RNF130: variants seen among roughly 807,000 people sequenced by gnomAD.
The protein encoded by RNF130 is ring finger protein 130, also known as E3 ubiquitin-protein ligase RNF130.
In RNF130, 21 loss-of-function variants were observed where a neutral mutation model predicts 44.6. The observed-to-expected ratio is 0.47, with a 90% CI of 0.33 to 0.68. The LOEUF is 0.68. Among genes scored for constraint, RNF130 ranks in the 30% least tolerant of loss-of-function variants. RNF130 has a pLI of 0.02. For missense variants in RNF130, 479 were observed against 560.6 expected, an observed-to-expected ratio of 0.85 and a Z score of 1.47; for synonymous variants, 214 against 210.4, an observed-to-expected ratio of 1.02 and a Z score of -0.15.
chr5:179,949,862 T>C (rs564395094), intron 7 of RNF130, among the ~76,000 whole-genome samples: 2 of 152,242 alleles, frequency 1.3e-5, no homozygotes, highest in African/African-American at 2.4e-5. Flanking sequence ...CAAGGAGCAA[T>C]CTGTAATCAA....
At chr5:179,994,853 G>A (rs1763168420) in intron 3 of RNF130, among the ~76,000 whole-genome samples, 1 of 152,216 alleles carries the variant, frequency 6.6e-6, no homozygotes, top group South Asian at 2.1e-4. Flanking sequence ...AGTTCTAACA[G>A]TAGGGTTTAC....
chr5:179,931,566 C>T (rs555774131), intron 7 of RNF130, among the ~76,000 whole-genome samples: 106 of 151,988 alleles, frequency 7.0e-4, no homozygotes, highest in Non-Finnish European at 1.4e-3. Context: ...GTCAGGAGTT[C>T]GGGACCAGCC....
chr5:179,916,351 G>A (rs1352021160), exon 8 of RNF130: 36 of 152,198 alleles, frequency 2.4e-4, no homozygotes, highest in Admixed American at 2.4e-3. Context: ...TCCTGCCTGG[G>A]TGACAGAGCG....
intron 1 of RNF130, among the ~76,000 whole-genome samples, chr5:180,048,635 C>T (rs1289413482): frequency 6.6e-6 from 1 of 152,108 alleles, no homozygotes; most frequent in Non-Finnish European, 1.5e-5. Context: ...GAGATGCTAT[C>T]TCAAAAACGG....
chr5:179,994,822 T>C (rs552771958), intron 3 of RNF130, among the ~76,000 whole-genome samples: 16 of 152,250 alleles, frequency 1.1e-4, no homozygotes, highest in African/African-American at 3.4e-4. Context: ...CAGGTGGTAG[T>C]TGCAGGTCAC....
At chr5:179,967,294 C>T (rs551913793) in intron 6 of RNF130, among the ~76,000 whole-genome samples, 1 of 152,158 alleles carries the variant, frequency 6.6e-6, no homozygotes, top group African/African-American at 2.4e-5. Context: ...CACAGGGAGT[C>T]GTAATCATTA....
chr5:179,924,180 A>G (rs1001087895), intron 7 of RNF130, among the ~76,000 whole-genome samples: 10 of 152,092 alleles, frequency 6.6e-5, no homozygotes, highest in African/African-American at 2.2e-4. Flanking sequence ...CCCTGTCCCT[A>G]AACAATTTTT....
At chr5:180,057,526 T>G (rs545641962) in intron 1 of RNF130, among the ~76,000 whole-genome samples, 3 of 151,818 alleles carry the variant, frequency 2.0e-5, no homozygotes, top group Non-Finnish European at 2.9e-5. Flanking sequence ...CCAGCCTGGG[T>G]GACAGAGCGA....
chr5:180,017,191 A>C (rs1374137106), intron 2 of RNF130, among the ~76,000 whole-genome samples: 2 of 152,168 alleles, frequency 1.3e-5, no homozygotes, highest in African/African-American at 2.4e-5. Flanking sequence ...CATGCCCCTC[A>C]ATCTGGATTT....
intron 7 of RNF130, 29 bp downstream of exon 7, chr5:179,966,777 C>T: frequency 1.3e-6 from 2 of 1,597,256 alleles, no homozygotes; most frequent in Non-Finnish European, 1.7e-6. Context: ...AGCCACATGC[C>T]CTGTGCCTGA....
chr5:180,058,874 T>C (rs886423130), intron 1 of RNF130, among the ~76,000 whole-genome samples: 2 of 152,132 alleles, frequency 1.3e-5, no homozygotes, highest in African/African-American at 4.8e-5. Context: ...ATAATGGGTA[T>C]AGAGTTTCCA....
intron 2 of RNF130, among the ~76,000 whole-genome samples, chr5:180,025,106 C>T (rs543436207): frequency 2.0e-5 from 3 of 152,294 alleles, no homozygotes; most frequent in African/African-American, 7.2e-5. Context: ...AGCATCAATG[C>T]GGGGTAGAGA....
chr5:180,017,751 A>C (rs1160153327), intron 2 of RNF130, among the ~76,000 whole-genome samples: 3 of 152,206 alleles, frequency 2.0e-5, no homozygotes, highest in Non-Finnish European at 4.4e-5. Flanking sequence ...TCCTGACTAC[A>C]AAATCAGTTT....
intron 8 of RNF130, among the ~76,000 whole-genome samples, chr5:179,959,552 G>A (rs1318089446): frequency 6.6e-6 from 1 of 152,016 alleles, no homozygotes; most frequent in Non-Finnish European, 1.5e-5. Flanking sequence ...TCTTGAACCC[G>A]GGAGGTGGAG....
intron 7 of RNF130, among the ~76,000 whole-genome samples, chr5:179,934,654 C>T (rs11958600): frequency 0.054 from 8,140 of 150,854 alleles, 689 homozygotes; most frequent in African/African-American, 0.17. Context: ...AGTGATCCTG[C>T]TGCCTCAGCC....
At chr5:180,011,353 T>G (rs868504921) in intron 3 of RNF130, among the ~76,000 whole-genome samples, 2 of 152,242 alleles carry the variant, frequency 1.3e-5, no homozygotes, top group Non-Finnish European at 2.9e-5. Flanking sequence ...TTTACTGATT[T>G]TGATAACCAC....
chr5:180,050,020 A>G (rs549455556), intron 1 of RNF130, among the ~76,000 whole-genome samples: 1 of 152,312 alleles, frequency 6.6e-6, no homozygotes, highest in African/African-American at 2.4e-5. Flanking sequence ...CTGCCAGAAC[A>G]AAGTACCACA....
chr5:179,948,775 C>A (rs915572115), intron 7 of RNF130, among the ~76,000 whole-genome samples: 31 of 151,982 alleles, frequency 2.0e-4, no homozygotes. Flanking sequence ...GATCTTTTAC[C>A]AATTATTTTT....
intron 3 of RNF130, among the ~76,000 whole-genome samples, chr5:179,984,231 A>G (rs77853588): frequency 6.6e-6 from 1 of 152,204 alleles, no homozygotes; most frequent in East Asian, 1.9e-4. Flanking sequence ...AAATGAAGAC[A>G]GCTTACTTCT....
Sources: gnomAD v4.1 joint callset for allele counts (sites outside exome capture counted in the v4.1 genomes callset) on GRCh38, gnomAD v4.1.1 for gene constraint, MANE v1.5 for transcripts, NCBI Gene and HGNC (gene_info 2026-07-23, HGNC 2026-07-21) for gene names.